The following ZFHX3 variants were observed in gnomAD, a reference collection of about 807,000 sequenced individuals.
ZFHX3 encodes the protein zinc finger homeobox 3.
In ZFHX3, 42 loss-of-function variants were observed where a neutral mutation model predicts 279.1. That is an observed-to-expected ratio of 0.15 (90% CI 0.12 to 0.19). The LOEUF is 0.19. Ranked by LOEUF, ZFHX3 falls within the 10% of genes least tolerant of loss-of-function variation. The pLI is 1.00. For synonymous variants in ZFHX3, 2,293 were observed against 1,957.8 expected, an observed-to-expected ratio of 1.17 and a Z score of -4.52; for missense variants, 4,981 against 4,754.0, an observed-to-expected ratio of 1.05 and a Z score of -1.40.
intron 2 of ZFHX3, among the ~76,000 whole-genome samples, chr16:73,528,369 A>G (rs2143721362): frequency 6.6e-6 from 1 of 152,340 alleles, no homozygotes; most frequent in South Asian, 2.1e-4. Context: ...ACTTACACAC[A>G]TATTCATTCA....
chr16:73,115,627 C>G (rs1187797557), intron 7 of ZFHX3, among the ~76,000 whole-genome samples: 2 of 152,096 alleles, frequency 1.3e-5, no homozygotes, highest in African/African-American at 4.8e-5. Context: ...AACCAGATAG[C>G]AACTTTTTTG....
chr16:73,887,978 G>A (rs1489360825), intron 1 of ZFHX3, among the ~76,000 whole-genome samples: 37 of 152,072 alleles, frequency 2.4e-4, no homozygotes, highest in Admixed American at 2.4e-3. Flanking sequence ...TGGGAGGAAC[G>A]GTTTATTATT....
chr16:73,384,547 C>T (rs1288704487), intron 3 of ZFHX3, among the ~76,000 whole-genome samples: 1 of 152,164 alleles, frequency 6.6e-6, no homozygotes, highest in Non-Finnish European at 1.5e-5. Context: ...CATTAAGTAC[C>T]AATCCTGTAC....
chr16:72,968,052 C>G (rs1309105212), intron 1 of ZFHX3, among the ~76,000 whole-genome samples: 1 of 151,774 alleles, frequency 6.6e-6, no homozygotes, highest in Non-Finnish European at 1.5e-5. Flanking sequence ...TGTGGAGAAC[C>G]TGGCAGACAC....
intron 1 of ZFHX3, among the ~76,000 whole-genome samples, chr16:73,795,961 G>A (rs1202668627): frequency 6.6e-6 from 1 of 152,114 alleles, no homozygotes; most frequent in Non-Finnish European, 1.5e-5. Flanking sequence ...AAATCCATAA[G>A]GTTCAGCCTA....
chr16:73,007,280 G>C (rs770255248), intron 1 of ZFHX3, among the ~76,000 whole-genome samples: 1 of 152,166 alleles, frequency 6.6e-6, no homozygotes, highest in African/African-American at 2.4e-5. Context: ...CTTTGTGATG[G>C]TGTTGGTTCC....
At chr16:73,712,763 T>G (rs564331858) in intron 1 of ZFHX3, among the ~76,000 whole-genome samples, 11 of 152,190 alleles carry the variant, frequency 7.2e-5, no homozygotes, top group Non-Finnish European at 1.5e-4. Context: ...ACCCTAGGTA[T>G]TTCTTTGTTT....
chr16:73,275,923 T>G (rs6420389), intron 4 of ZFHX3, among the ~76,000 whole-genome samples: 103,390 of 151,972 alleles, frequency 0.68, 36,071 homozygotes, highest in East Asian at 0.85. Flanking sequence ...TTGAGCTTTA[T>G]TCTATGGACC....
At chr16:73,272,001 T>C (rs1031715377) in intron 4 of ZFHX3, among the ~76,000 whole-genome samples, 11 of 152,198 alleles carry the variant, frequency 7.2e-5, no homozygotes, top group Admixed American at 5.2e-4. Context: ...TGAATGTCTG[T>C]TTTTCAGACA....
chr16:73,361,914 T>C (rs2016439802), intron 3 of ZFHX3, among the ~76,000 whole-genome samples: 1 of 152,120 alleles, frequency 6.6e-6, no homozygotes, highest in South Asian at 2.1e-4. Context: ...TGACATGGTC[T>C]GAAAAAAAAT....
At chr16:73,881,998 G>A (rs1177001501) in intron 1 of ZFHX3, among the ~76,000 whole-genome samples, 1 of 152,014 alleles carries the variant, frequency 6.6e-6, no homozygotes, top group Non-Finnish European at 1.5e-5. Context: ...TTTATCGTCA[G>A]TTGCTAAATT....
chr16:73,732,873 A>G (rs1417239696), intron 1 of ZFHX3, among the ~76,000 whole-genome samples: 1 of 152,194 alleles, frequency 6.6e-6, no homozygotes, highest in Non-Finnish European at 1.5e-5. Context: ...ATCCATGCCT[A>G]TAAGCTGCAT....
At chr16:72,854,346 G>A (rs1053405468) in intron 4 of ZFHX3, among the ~76,000 whole-genome samples, 1 of 152,192 alleles carries the variant, frequency 6.6e-6, no homozygotes, top group Non-Finnish European at 1.5e-5. Context: ...CGAAAGAAAT[G>A]GCGGTTGTGT....
intron 2 of ZFHX3, among the ~76,000 whole-genome samples, chr16:73,509,477 C>G (rs74772426): frequency 6.6e-6 from 1 of 151,124 alleles, no homozygotes; most frequent in Non-Finnish European, 1.5e-5. Context: ...TCCCTTCTTA[C>G]CACTCCCACC....
At chr16:73,687,074 T>C (rs2053096583) in intron 1 of ZFHX3, among the ~76,000 whole-genome samples, 1 of 113,720 alleles carries the variant, frequency 8.8e-6, no homozygotes, top group Non-Finnish European at 1.8e-5. Context: ...ATTTGCAGCT[T>C]TAAGTCTTAT....
rs561095142 is a variant in ZFHX3 at position 73,704,588 on chromosome 16, C to T, written c.-1607-24348G>A. The stretch of plus-strand genomic sequence containing the variant: ...TCTGTTGTTCCTGCCTTGTCATTTA[C>T]CCTTAAGAGAAAGAGGAACCATTCT... On this transcript the variant is annotated intron_variant, in intron 1 of 17. Transcript: ENST00000641206. Among the ~76,000 whole-genome samples, 3 of 152,244 alleles carry T rather than the reference C, an allele frequency of 2.0e-5. 1 individual carries two copies. In the East Asian group the frequency reaches 5.8e-4, roughly 29 times the overall value.
At chr16:73,787,633 T>C (rs1959687045) in intron 1 of ZFHX3, among the ~76,000 whole-genome samples, 1 of 152,200 alleles carries the variant, frequency 6.6e-6, no homozygotes, top group East Asian at 1.9e-4. Flanking sequence ...TTCATCTTAA[T>C]GAAAGTTTAT....
chr16:73,458,263 C>CTCCT (rs1441332017), intron 2 of ZFHX3, among the ~76,000 whole-genome samples: 1 of 151,594 alleles, frequency 6.6e-6, no homozygotes, highest in Non-Finnish European at 1.5e-5. Flanking sequence ...TTTTTCTTTT[C>CTCCT]TCCTTTCTTT....
At chr16:73,665,380 A>AT (rs2052826444) in intron 2 of ZFHX3, among the ~76,000 whole-genome samples, 1 of 151,548 alleles carries the variant, frequency 6.6e-6, no homozygotes, top group African/African-American at 2.4e-5. Flanking sequence ...TGCCCAGCTA[A>AT]TTTTTGTATT....
Sources: gnomAD v4.1 joint callset for allele counts (sites outside exome capture counted in the v4.1 genomes callset) on GRCh38, gnomAD v4.1.1 for gene constraint, MANE v1.5 for transcripts, NCBI Gene and HGNC (gene_info 2026-07-23, HGNC 2026-07-21) for gene names.